Variants in TESK2 observed in about 807,000 individuals in gnomAD.
TESK2 encodes the protein dual specificity testis-specific protein kinase 2.
TESK2 carries 39 observed loss-of-function variants against 57.1 expected under a neutral mutation model. The observed-to-expected ratio is 0.68, with a 90% CI of 0.53 to 0.89. The LOEUF (loss-of-function observed/expected upper bound fraction) is 0.89, where lower values mean the gene tolerates loss of function less well. Ranked by LOEUF, TESK2 falls within the 40% of genes least tolerant of loss-of-function variation. The pLI is 0.00. For synonymous variants in TESK2, 249 were observed against 267.9 expected (o/e 0.93, Z 0.69); for missense variants, 646 against 732.1 (o/e 0.88, Z 1.36).
chr1:45,445,441 C>T (rs191823838), intron 2 of TESK2, among the ~76,000 whole-genome samples: 1 of 152,090 alleles, frequency 6.6e-6, no homozygotes, highest in Non-Finnish European at 1.5e-5. Flanking sequence ...ATTACAAAAA[C>T]ATCTACCCTT....
intron 4 of TESK2, among the ~76,000 whole-genome samples, chr1:45,358,006 TAAAAAAAAAAAA>T (rs760610185): frequency 4.1e-5 from 1 of 24,234 alleles, no homozygotes; most frequent in Non-Finnish European, 8.7e-5. Context: ...AAACTCCGTC[TAAAAAAAAAAAA>T]AAAAAAAAAA....
chr1:45,450,019 G>A (rs1384039832), intron 2 of TESK2, among the ~76,000 whole-genome samples: 1 of 152,134 alleles, frequency 6.6e-6, no homozygotes, highest in Non-Finnish European at 1.5e-5. Flanking sequence ...TTTAGTGTAT[G>A]ATAGAGATAT....
intron 3 of TESK2, among the ~76,000 whole-genome samples, chr1:45,402,490 T>C (rs1042999801): frequency 1.3e-5 from 2 of 151,476 alleles, no homozygotes; most frequent in Non-Finnish European, 2.9e-5. Context: ...TTTTTTCTTT[T>C]TTTTTTTTTG....
chr1:45,480,290 C>G (rs35794111), intron 1 of TESK2, among the ~76,000 whole-genome samples: 1 of 151,722 alleles, frequency 6.6e-6, no homozygotes, highest in East Asian at 2.0e-4. Context: ...GAAACCCCAT[C>G]TCTATTAAAA....
At chr1:45,365,026 T>C (rs932908320) in intron 4 of TESK2, among the ~76,000 whole-genome samples, 1 of 152,214 alleles carries the variant, frequency 6.6e-6, no homozygotes, top group Admixed American at 6.5e-5. Context: ...AGCCCAACAA[T>C]ACTTTTGTGC....
At chr1:45,401,999 T>C (rs1051792544) in intron 3 of TESK2, among the ~76,000 whole-genome samples, 1 of 151,460 alleles carries the variant, frequency 6.6e-6, no homozygotes, top group African/African-American at 2.4e-5. Context: ...TATAATACAA[T>C]GTTAAAACGT....
At chr1:45,471,209 C>T (rs780243380) in intron 1 of TESK2, among the ~76,000 whole-genome samples, 1 of 151,776 alleles carries the variant, frequency 6.6e-6, no homozygotes, top group Non-Finnish European at 1.5e-5. Flanking sequence ...CCAGCCTGGT[C>T]GACAGAGCAA....
At chr1:45,404,692 C>T (rs1045491936) in intron 3 of TESK2, among the ~76,000 whole-genome samples, 4 of 151,890 alleles carry the variant, frequency 2.6e-5, no homozygotes, top group East Asian at 3.9e-4. Context: ...TACAGGCATG[C>T]GCCACCACGC....
At chr1:45,345,785 G>A in intron 10 of TESK2, 92 bp downstream of exon 10, 2 of 1,111,048 alleles carry the variant, frequency 1.8e-6, no homozygotes, top group Non-Finnish European at 2.7e-6. Context: ...CTGGACCTGG[G>A]ATCCTGGCAA....
Position 45,484,035 on chromosome 1 carries a change from G to T in TESK2, c.-87+6817C>A, listed in dbSNP as rs183535187. Among the ~76,000 whole-genome samples the T allele has an allele frequency of 4.6e-4, 68 of 147,988 alleles. No individual in the cohort carries two copies. The East Asian group carries it at 0.012, about 27-fold the overall frequency. ...AAAAATTATACTTGGATTTTCTACC[G>T]CACAGGGGTTGGCTTCCCAACCCCT... On this transcript the variant is annotated intron_variant, in intron 1 of 10. Coordinates refer to ENST00000372086, the MANE Select transcript of TESK2 (RefSeq NM_007170.3).
At chr1:45,463,313 C>T (rs1161511023) in intron 1 of TESK2, among the ~76,000 whole-genome samples, 1 of 152,190 alleles carries the variant, frequency 6.6e-6, no homozygotes, top group Non-Finnish European at 1.5e-5. Flanking sequence ...TTGCCCAAAC[C>T]AATGTCCTGG....
intron 4 of TESK2, among the ~76,000 whole-genome samples, chr1:45,366,926 G>T (rs1045815159): frequency 1.3e-5 from 2 of 152,128 alleles, no homozygotes; most frequent in Non-Finnish European, 2.9e-5. Context: ...TTGAGCTCAC[G>T]AGTTCGAGAC....
chr1:45,403,672 G>A (rs1649722856), intron 3 of TESK2, among the ~76,000 whole-genome samples: 1 of 152,012 alleles, frequency 6.6e-6, no homozygotes. Context: ...CTTTTTTGGG[G>A]TAAAGCAATA....
intron 4 of TESK2, among the ~76,000 whole-genome samples, chr1:45,356,430 G>T (rs938548477): frequency 1.3e-5 from 2 of 151,810 alleles, no homozygotes; most frequent in African/African-American, 2.4e-5. Context: ...AGTTCAGACC[G>T]GCCTGAACAG....
At chr1:45,419,719 T>G (rs956779518) in intron 3 of TESK2, among the ~76,000 whole-genome samples, 2 of 151,996 alleles carry the variant, frequency 1.3e-5, no homozygotes, top group African/African-American at 4.8e-5. Context: ...GGCAGGAGAA[T>G]CACTTGAACC....
intron 2 of TESK2, among the ~76,000 whole-genome samples, chr1:45,443,161 G>C (rs1056200898): frequency 1.3e-5 from 2 of 152,108 alleles, no homozygotes; most frequent in African/African-American, 2.4e-5. Flanking sequence ...TGGCCAAGGT[G>C]GGGGGATCAC....
intron 1 of TESK2, among the ~76,000 whole-genome samples, chr1:45,477,259 C>A (rs1171287838): frequency 6.6e-6 from 1 of 150,726 alleles, no homozygotes; most frequent in East Asian, 2.0e-4. Flanking sequence ...ATCAAAAAAA[C>A]AAATACAAAA....
At chr1:45,416,542 C>G (rs1650250312) in intron 3 of TESK2, among the ~76,000 whole-genome samples, 1 of 152,012 alleles carries the variant, frequency 6.6e-6, no homozygotes, top group Non-Finnish European at 1.5e-5. Context: ...ATATCTACTA[C>G]CTCACATCAT....
chr1:45,379,457 G>T (rs1648563013), intron 4 of TESK2, among the ~76,000 whole-genome samples: 2 of 152,138 alleles, frequency 1.3e-5, no homozygotes, highest in African/African-American at 2.4e-5. Context: ...TGAAGCCACT[G>T]GACATGGCCT....
Sources: allele counts gnomAD v4.1 joint callset (sites outside exome capture counted in the v4.1 genomes callset), GRCh38; gene constraint gnomAD v4.1.1; transcripts MANE v1.5; gene names NCBI Gene and HGNC (gene_info 2026-07-23, HGNC 2026-07-21).